Variants in COMMD1 observed in about 807,000 individuals in gnomAD.
COMMD1 encodes the protein COMM domain-containing protein 1.
Under a neutral mutation model 17.2 loss-of-function variants are expected in COMMD1, and 10 were observed. The ratio of observed to expected loss-of-function variants is 0.58; its 90% confidence interval spans 0.36 to 0.99. The LOEUF is 0.99. Among genes scored for constraint, COMMD1 ranks in the 50% least tolerant of loss-of-function variants. The pLI is 0.01. For synonymous variants in COMMD1, 97 were observed against 91.6 expected, an observed-to-expected ratio of 1.06 and a Z score of -0.34; for missense variants, 270 against 231.8, an observed-to-expected ratio of 1.17 and a Z score of -1.07.
intron 2 of COMMD1, among the ~76,000 whole-genome samples, chr2:62,088,143 TTC>T (rs1005740132): frequency 4.3e-4 from 65 of 152,242 alleles, no homozygotes; most frequent in African/African-American, 1.5e-3. Flanking sequence ...CTTTCTTTTT[TTC>T]TGTCTCCTTC....
intron 2 of COMMD1, among the ~76,000 whole-genome samples, chr2:62,063,844 A>T (rs1021382820): frequency 8.1e-6 from 1 of 123,748 alleles, no homozygotes; most frequent in African/African-American, 3.0e-5. Flanking sequence ...CAGACTGGAC[A>T]ACATAGTGAC....
chr2:61,926,263 G>T (rs766227617), intron 1 of COMMD1, among the ~76,000 whole-genome samples: 1 of 152,122 alleles, frequency 6.6e-6, no homozygotes, highest in African/African-American at 2.4e-5. Context: ...GAGCCACTGC[G>T]TCTGGCGAGT....
intron 2 of COMMD1, among the ~76,000 whole-genome samples, chr2:62,008,519 C>G (rs916405404): frequency 1.3e-5 from 2 of 152,148 alleles, no homozygotes; most frequent in Admixed American, 6.5e-5. Flanking sequence ...ATTATGTTGT[C>G]TTACTCCAAA....
chr2:61,941,118 C>G (rs1670736878), intron 1 of COMMD1, among the ~76,000 whole-genome samples: 1 of 151,940 alleles, frequency 6.6e-6, no homozygotes, highest in Non-Finnish European at 1.5e-5. Flanking sequence ...ACCTCCGACT[C>G]CCGGGTTCAA....
intron 2 of COMMD1, among the ~76,000 whole-genome samples, chr2:62,028,056 G>A (rs1286499497): frequency 6.6e-6 from 1 of 152,308 alleles, no homozygotes; most frequent in Admixed American, 6.5e-5. Context: ...AAACAGTGGA[G>A]TAGAAAGTCC....
chr2:61,932,960 C>T (rs1170764877), intron 1 of COMMD1, among the ~76,000 whole-genome samples: 1 of 152,146 alleles, frequency 6.6e-6, no homozygotes, highest in African/African-American at 2.4e-5. Flanking sequence ...CTCTCGGCAC[C>T]TGGGTTCTTG....
intron 2 of COMMD1, among the ~76,000 whole-genome samples, chr2:62,037,759 G>A (rs2103888156): frequency 6.6e-6 from 1 of 152,238 alleles, no homozygotes. Context: ...AAATTAGTGG[G>A]ATTCTACAAA....
intron 2 of COMMD1, among the ~76,000 whole-genome samples, chr2:62,054,117 A>C (rs1200562534): frequency 1.3e-5 from 2 of 152,232 alleles, no homozygotes; most frequent in African/African-American, 4.8e-5. Flanking sequence ...AACATTACTA[A>C]TTATCAGAGA....
At chr2:61,932,345 T>C (rs144975763) in intron 1 of COMMD1, among the ~76,000 whole-genome samples, 110 of 152,380 alleles carry the variant, frequency 7.2e-4, no homozygotes, top group African/African-American at 2.5e-3. Flanking sequence ...ATACCACTTA[T>C]GTTTTACAGA....
intron 2 of COMMD1, among the ~76,000 whole-genome samples, chr2:62,130,253 T>G (rs1672994668): frequency 6.7e-6 from 1 of 149,896 alleles, no homozygotes; most frequent in African/African-American, 2.4e-5. Context: ...TTATGAAACA[T>G]AGCCAGCTTT....
intron 2 of COMMD1, among the ~76,000 whole-genome samples, chr2:62,059,686 G>A (rs1670804728): frequency 6.6e-6 from 1 of 152,162 alleles, no homozygotes; most frequent in East Asian, 1.9e-4. Context: ...TCCTGCCTCA[G>A]CCACCCCAGT....
chr2:61,945,610 T>C (rs1463896857), intron 1 of COMMD1, among the ~76,000 whole-genome samples: 2 of 152,220 alleles, frequency 1.3e-5, no homozygotes, highest in Non-Finnish European at 2.9e-5. Context: ...GGGTTAAGGA[T>C]GCAGCCACGA....
At chr2:62,036,565 TAGAA>T (rs990345311) in intron 2 of COMMD1, among the ~76,000 whole-genome samples, 5 of 152,192 alleles carry the variant, frequency 3.3e-5, no homozygotes, top group African/African-American at 1.2e-4. Flanking sequence ...CTTTGGAAGT[TAGAA>T]AGAAGTGCAG....
intron 2 of COMMD1, among the ~76,000 whole-genome samples, chr2:62,095,807 C>CACATATATATATATATATATATATATAT (rs1671987240): frequency 1.5e-5 from 1 of 67,936 alleles, no homozygotes; most frequent in Non-Finnish European, 2.8e-5. Flanking sequence ...TCACAGCATG[C>CACATATATATATATATATATATATATAT]ATATATATAT....
chr2:62,127,019 T>G lies in COMMD1; in HGVS notation c.463-8812T>G, dbSNP rs1672904306. Among the ~76,000 whole-genome samples the G allele has an allele frequency of 2.6e-5, 4 of 152,130 alleles. 1 individual carries two copies. In the South Asian group the frequency reaches 6.2e-4, roughly 24 times the overall value. The stretch of plus-strand genomic sequence containing the variant: ...AAAAGCTTCTTAAGCTGAAGCAACT[T>G]CAGCAAAGTCTCAGGATACAAAATC... On this transcript the variant is annotated intron_variant, in intron 2 of 2. Coordinates refer to ENST00000311832, the MANE Select transcript of COMMD1 (RefSeq NM_152516.4).
intron 1 of COMMD1, among the ~76,000 whole-genome samples, chr2:61,968,516 T>C (rs1442472449): frequency 1.3e-5 from 2 of 152,188 alleles, no homozygotes; most frequent in Non-Finnish European, 2.9e-5. Flanking sequence ...TTTGCTTTTC[T>C]TTTTGGACTA....
intron 1 of COMMD1, among the ~76,000 whole-genome samples, chr2:61,999,716 A>G (rs1300981341): frequency 6.6e-6 from 1 of 151,778 alleles, no homozygotes; most frequent in Admixed American, 6.6e-5. Context: ...GGCACACACC[A>G]CCACACCTGG....
At chr2:61,997,901 T>C (rs1039958911) in intron 1 of COMMD1, among the ~76,000 whole-genome samples, 2 of 152,258 alleles carry the variant, frequency 1.3e-5, no homozygotes, top group Non-Finnish European at 1.5e-5. Flanking sequence ...TTCCGATATA[T>C]GGCTATTTCA....
At chr2:61,994,953 G>T (rs1668714884) in intron 1 of COMMD1, among the ~76,000 whole-genome samples, 1 of 152,128 alleles carries the variant, frequency 6.6e-6, no homozygotes, top group African/African-American at 2.4e-5. Flanking sequence ...GCAGATAGGG[G>T]CATAGCAAAG....
Sources: gnomAD v4.1 joint callset for allele counts (sites outside exome capture counted in the v4.1 genomes callset) on GRCh38, gnomAD v4.1.1 for gene constraint, MANE v1.5 for transcripts, NCBI Gene and HGNC (gene_info 2026-07-23, HGNC 2026-07-21) for gene names.